COL23A1: variants seen among roughly 807,000 people sequenced by gnomAD.
COL23A1 encodes the protein collagen alpha-1(XXIII) chain.
COL23A1 carries 97 observed loss-of-function variants against 99.3 expected under a neutral mutation model. The observed-to-expected ratio is 0.98, with a 90% CI of 0.83 to 1.16. The LOEUF (loss-of-function observed/expected upper bound fraction) is 1.16, where lower values mean the gene tolerates loss of function less well. COL23A1 is among the 50% of genes most tolerant of loss of function. The probability of loss-of-function intolerance (pLI) is 0.00; values close to 1 mark genes in which losing one functional copy is unlikely to be tolerated. For synonymous variants in COL23A1, 320 were observed against 308.2 expected, an observed-to-expected ratio of 1.04 and a Z score of -0.40; for missense variants, 762 against 757.4, an observed-to-expected ratio of 1.01 and a Z score of -0.07.
At chr5:178,473,519 GC>G (rs1756873336) in intron 2 of COL23A1, among the ~76,000 whole-genome samples, 1 of 114,938 alleles carries the variant, frequency 8.7e-6, no homozygotes, top group African/African-American at 3.4e-5. Context: ...TTGCCATGTT[GC>G]CCAGGCTGGT....
chr5:178,292,692 G>A (rs141133238), intron 3 of COL23A1, among the ~76,000 whole-genome samples: 54 of 152,292 alleles, frequency 3.5e-4, no homozygotes, highest in African/African-American at 1.2e-3. Context: ...AGTGGTGGAC[G>A]TGGTTGGGTT....
chr5:178,356,264 T>TA (rs1243310132), intron 2 of COL23A1, among the ~76,000 whole-genome samples: 1 of 152,156 alleles, frequency 6.6e-6, no homozygotes, highest in Non-Finnish European at 1.5e-5. Context: ...GATCATGGTC[T>TA]AAAGTTGATT....
At chr5:178,251,412 G>GA (rs1384417589) in intron 17 of COL23A1, among the ~76,000 whole-genome samples, 1 of 151,962 alleles carries the variant, frequency 6.6e-6, no homozygotes, top group African/African-American at 2.4e-5. Flanking sequence ...AAGATACCTG[G>GA]AAAAAAATCT....
intron 2 of COL23A1, among the ~76,000 whole-genome samples, chr5:178,520,005 G>T (rs1382382824): frequency 1.3e-5 from 2 of 152,190 alleles, no homozygotes; most frequent in African/African-American, 4.8e-5. Context: ...AAGATGGTCA[G>T]ATGGATAGAG....
At chr5:178,458,882 C>G (rs77617141) in intron 2 of COL23A1, among the ~76,000 whole-genome samples, 286 of 152,274 alleles carry the variant, frequency 1.9e-3, no homozygotes, top group African/African-American at 6.6e-3. Context: ...GCTCATGCAG[C>G]CTGCAGATCT....
chr5:178,572,196 G>A (rs1362830467), intron 1 of COL23A1, among the ~76,000 whole-genome samples: 1 of 151,224 alleles, frequency 6.6e-6, no homozygotes, highest in Non-Finnish European at 1.5e-5. Flanking sequence ...TAAACTAGAA[G>A]ACAGCAATGG....
At chr5:178,337,613 G>C (rs1209600470) in intron 2 of COL23A1, among the ~76,000 whole-genome samples, 1 of 152,024 alleles carries the variant, frequency 6.6e-6, no homozygotes, top group Non-Finnish European at 1.5e-5. Flanking sequence ...GGCTCTGCCG[G>C]GCTGGGGGAG....
intron 2 of COL23A1, among the ~76,000 whole-genome samples, chr5:178,498,225 T>TAAAAG (rs1758309993): frequency 2.0e-5 from 1 of 50,090 alleles, no homozygotes. Flanking sequence ...TATATATATA[T>TAAAAG]ATATATATAT....
rs1756868202 is a variant in COL23A1, at chr5:178,281,007, A to C, written c.441+7317T>G. On this transcript the variant is annotated intron_variant, in intron 5 of 28. Transcript: ENST00000390654. This position sits in a 1 kb window ranked among gnomAD's most constrained non-coding sequence, Gnocchi z 4.0. Reference sequence around the variant, plus strand: ...TGGACCAAGACAAGAGGCTGGACTCAAGAGACTTAGGGCCCTGGGGAGAAC... The same window carrying C: ...TGGACCAAGACAAGAGGCTGGACTCCAGAGACTTAGGGCCCTGGGGAGAAC... 6.6e-6 allele frequency among the ~76,000 whole-genome samples: 1 copy of C among 152,198 alleles called. No individual in the cohort carries two copies. The highest frequency in any genetic ancestry group is 1.5e-5 in the Non-Finnish European group (1 of 68,026).
intron 2 of COL23A1, among the ~76,000 whole-genome samples, chr5:178,530,273 C>A (rs1257782031): frequency 6.6e-6 from 1 of 152,070 alleles, no homozygotes; most frequent in Non-Finnish European, 1.5e-5. Flanking sequence ...CCAGCCTGAG[C>A]AATATGGCAA....
chr5:178,557,461 C>T (rs1345414399), intron 2 of COL23A1, among the ~76,000 whole-genome samples: 3 of 152,184 alleles, frequency 2.0e-5, no homozygotes, highest in East Asian at 1.9e-4. Flanking sequence ...CAGGGCCCCC[C>T]GCCAGTCCTC....
chr5:178,420,379 C>T (rs1765543648), intron 2 of COL23A1, among the ~76,000 whole-genome samples: 2 of 136,000 alleles, frequency 1.5e-5, no homozygotes, highest in Admixed American at 7.3e-5. Context: ...TTCCTCCTCC[C>T]CTCCCCCCTT....
rs964496776 is a variant in COL23A1, at chr5:178,577,545, C to T, written c.294+12359G>A. 2.0e-5 allele frequency among the ~76,000 whole-genome samples: 3 copies of T among 152,180 alleles called. No individual in the cohort carries two copies. The East Asian group carries it at 5.8e-4, about 29-fold the overall frequency. Reference sequence around the variant, plus strand: ...GAATCCGCTGGGGCTTTCAGCAGGGCCTGGCGCGCGGGGCCTGGGGAGGAG... The same window carrying T: ...GAATCCGCTGGGGCTTTCAGCAGGGTCTGGCGCGCGGGGCCTGGGGAGGAG... On this transcript the variant is annotated intron_variant, in intron 1 of 28. Coordinates refer to ENST00000390654, the MANE Select transcript of COL23A1 (RefSeq NM_173465.4).
intron 2 of COL23A1, among the ~76,000 whole-genome samples, chr5:178,372,548 T>C (rs1762854192): frequency 6.6e-6 from 1 of 151,994 alleles, no homozygotes; most frequent in Non-Finnish European, 1.5e-5. Flanking sequence ...GAGGGTGAGG[T>C]GGAGAGTGAC....
chr5:178,239,135 C>T lies in COL23A1; in HGVS notation c.1620+6G>A, dbSNP rs775545318. On this transcript the variant is annotated splice_donor_region_variant and intron_variant, in intron 28 of 28. Transcript: ENST00000390654. ...AGCCTGCCCTGGAGACTTCCCTGCA[C>T]GGTACCTTATGCCAGCAGCCAGGCA... 3.7e-5 allele frequency: 59 copies of T among 1,614,106 alleles called. No individual in the cohort carries two copies. In the East Asian group the frequency reaches 6.0e-4, roughly 16 times the overall value.
intron 3 of COL23A1, among the ~76,000 whole-genome samples, chr5:178,294,760 T>C (rs57589625): frequency 0.023 from 3,551 of 152,300 alleles, 103 homozygotes; most frequent in Middle Eastern, 0.075. Context: ...CTATGGTTCA[T>C]AATCCAGAAG....
chr5:178,389,732 C>T lies in COL23A1; in HGVS notation c.362-82813G>A, dbSNP rs568399470. 9.2e-5 allele frequency among the ~76,000 whole-genome samples: 14 copies of T among 152,344 alleles called. 1 individual carries two copies. In the South Asian group the frequency reaches 2.1e-3, roughly 23 times the overall value. Reference sequence around the variant, plus strand: ...TGTTTTGTTCTTCATTTAGTGACAGCAGAGTGACAAGGAGCTCCATGTCAC... The same window carrying T: ...TGTTTTGTTCTTCATTTAGTGACAGTAGAGTGACAAGGAGCTCCATGTCAC... On this transcript the variant is annotated intron_variant, in intron 2 of 28. Transcript: ENST00000390654.
chr5:178,580,189 G>A (rs893069996), intron 1 of COL23A1, among the ~76,000 whole-genome samples: 9 of 152,198 alleles, frequency 5.9e-5, no homozygotes, highest in African/African-American at 2.2e-4. Context: ...TTAGCCGGGT[G>A]TGATGGCGCA....
intron 2 of COL23A1, among the ~76,000 whole-genome samples, chr5:178,397,050 G>A (rs1363947131): frequency 3.9e-5 from 6 of 152,218 alleles, no homozygotes; most frequent in Non-Finnish European, 7.4e-5. Flanking sequence ...GGAAGGACTC[G>A]CAGAGGCTTT....
Sources: allele counts gnomAD v4.1 joint callset (sites outside exome capture counted in the v4.1 genomes callset), GRCh38; gene constraint gnomAD v4.1.1; non-coding constraint Gnocchi (gnomAD v3.1); transcripts MANE v1.5; gene names NCBI Gene and HGNC (gene_info 2026-07-23, HGNC 2026-07-21).